EPHA6: variants seen among roughly 807,000 people sequenced by gnomAD.
The protein encoded by EPHA6 is ephrin type-A receptor 6.
EPHA6 carries 50 observed loss-of-function variants against 112.0 expected under a neutral mutation model. The observed-to-expected ratio is 0.45, with a 90% CI of 0.36 to 0.56. The LOEUF (loss-of-function observed/expected upper bound fraction) is 0.56. Ranked by LOEUF, EPHA6 falls within the 20% of genes least tolerant of loss-of-function variation. The probability of loss-of-function intolerance (pLI) is 0.00; values close to 1 mark genes in which losing one functional copy is unlikely to be tolerated. For synonymous variants in EPHA6, 529 were observed against 490.7 expected, an observed-to-expected ratio of 1.08 and a Z score of -1.03; for missense variants, 1,280 against 1,417.4, an observed-to-expected ratio of 0.90 and a Z score of 1.56.
intron 5 of EPHA6, among the ~76,000 whole-genome samples, chr3:97,382,699 CT>C (rs1248317348): frequency 6.6e-6 from 1 of 151,914 alleles, no homozygotes; most frequent in African/African-American, 2.4e-5. Context: ...CAAAAAGAGA[CT>C]TTATGAAAAT....
intron 3 of EPHA6, among the ~76,000 whole-genome samples, chr3:97,039,463 G>A (rs1488082320): frequency 1.3e-5 from 2 of 151,924 alleles, no homozygotes; most frequent in African/African-American, 4.8e-5. Context: ...GAATGAATGG[G>A]AAATGAAGAA....
chr3:97,196,090 T>A (rs1018819012), intron 3 of EPHA6, among the ~76,000 whole-genome samples: 1 of 151,498 alleles, frequency 6.6e-6, no homozygotes, highest in African/African-American at 2.4e-5. Context: ...TCTCTCTCTA[T>A]CCCCTCTTAA....
intron 2 of EPHA6, among the ~76,000 whole-genome samples, chr3:96,913,161 T>TACAC (rs768422240): frequency 0.03 from 3,745 of 123,130 alleles, 47 homozygotes; most frequent in Non-Finnish European, 0.036. Context: ...AGACCCCGTC[T>TACAC]ACACACACAC....
At chr3:96,840,423 T>C (rs78545423) in intron 1 of EPHA6, among the ~76,000 whole-genome samples, 6,925 of 152,228 alleles carry the variant, frequency 0.045, 191 homozygotes, top group Non-Finnish European at 0.073. Flanking sequence ...GTTGTTTTCA[T>C]CTTTATTGGC....
chr3:97,447,300 T>A (rs2090379020), intron 6 of EPHA6, among the ~76,000 whole-genome samples: 1 of 152,142 alleles, frequency 6.6e-6, no homozygotes, highest in African/African-American at 2.4e-5. Context: ...TCTTGCTAGT[T>A]GGGAAGGTCT....
chr3:97,135,573 C>T (rs575685386), intron 3 of EPHA6, among the ~76,000 whole-genome samples: 3 of 152,090 alleles, frequency 2.0e-5, no homozygotes, highest in African/African-American at 7.2e-5. Flanking sequence ...AGCTATGACT[C>T]TCAAACTTTA....
chr3:97,018,716 G>A (rs984123380), intron 3 of EPHA6, among the ~76,000 whole-genome samples: 1 of 152,196 alleles, frequency 6.6e-6, no homozygotes, highest in Non-Finnish European at 1.5e-5. Context: ...ACAGGGAGAC[G>A]GTTAGGCCTC....
intron 6 of EPHA6, among the ~76,000 whole-genome samples, chr3:97,419,540 G>A (rs192501292): frequency 1.3e-5 from 2 of 151,934 alleles, no homozygotes; most frequent in African/African-American, 4.8e-5. Flanking sequence ...CAGGAGAATC[G>A]CTTGAACCTG....
intron 3 of EPHA6, among the ~76,000 whole-genome samples, chr3:97,129,048 A>AT (rs201666956): frequency 0.016 from 2,393 of 151,430 alleles, 73 homozygotes; most frequent in African/African-American, 0.055. Flanking sequence ...TTATTTATAT[A>AT]TTTTTTTGTA....
chr3:96,946,659 G>A (rs1254560608), intron 2 of EPHA6, among the ~76,000 whole-genome samples: 1 of 152,160 alleles, frequency 6.6e-6, no homozygotes, highest in African/African-American at 2.4e-5. Context: ...CTTTATAGCA[G>A]AATGATTTAT....
intron 3 of EPHA6, among the ~76,000 whole-genome samples, chr3:97,040,695 T>G (rs1576373589): frequency 6.6e-6 from 1 of 152,248 alleles, no homozygotes; most frequent in East Asian, 1.9e-4. Flanking sequence ...AATAGTTTTA[T>G]TCTTTGGCTA....
At chr3:97,278,609 C>G (rs1456731318) in intron 5 of EPHA6, among the ~76,000 whole-genome samples, 1 of 152,144 alleles carries the variant, frequency 6.6e-6, no homozygotes, top group African/African-American at 2.4e-5. Context: ...ACTATTTCAA[C>G]CACTCAGTAT....
chr3:97,638,350 G>A lies in EPHA6; in HGVS notation c.2784+268G>A, dbSNP rs147128687. 4.6e-3 allele frequency among the ~76,000 whole-genome samples: 696 copies of A among 152,160 alleles called. 4 individuals carry two copies. The highest frequency in any genetic ancestry group is 0.015 in the African/African-American group (640 of 41,522). ...ACATCATGCTTAACGTCCATGTCAT[G>A]ACTGGATGTTATAACATGGGCTGAA... On this transcript the variant is annotated intron_variant, in intron 14 of 17. Transcript: ENST00000389672.
In EPHA6 at chr3:97,215,526, G is replaced by A. The variant is rs146951396; in HGVS notation, c.1115-10738G>A. 4.8e-3 allele frequency among the ~76,000 whole-genome samples: 736 copies of A among 151,862 alleles called. 6 individuals carry two copies. Among genetic ancestry groups the A allele is most frequent in the African/African-American group, 0.016 (648 of 41,422 alleles). On this transcript the variant is annotated intron_variant, in intron 3 of 17. Coordinates refer to ENST00000389672, the MANE Select transcript of EPHA6 (RefSeq NM_001080448.3). ...CTCAGGAGGCTGAGGCAGGAGAATT[G>A]CTTGAACCCGGGAGGCGGAGGTTGC...
At chr3:97,208,247 A>AT (rs1559798966) in intron 3 of EPHA6, among the ~76,000 whole-genome samples, 1 of 152,176 alleles carries the variant, frequency 6.6e-6, no homozygotes, top group Non-Finnish European at 1.5e-5. Context: ...GTTTTCTTCA[A>AT]TTCAATATTT....
intron 2 of EPHA6, among the ~76,000 whole-genome samples, chr3:96,950,845 C>A (rs116604675): frequency 0.014 from 2,190 of 152,082 alleles, 58 homozygotes; most frequent in African/African-American, 0.05. Flanking sequence ...CTACCTAGAT[C>A]TTCATTATTG....
At chr3:97,301,984 T>C (rs2081112010) in intron 5 of EPHA6, among the ~76,000 whole-genome samples, 1 of 152,100 alleles carries the variant, frequency 6.6e-6, no homozygotes, top group Admixed American at 6.6e-5. Flanking sequence ...GAATATCTAG[T>C]AACTTGTGTA....
At chr3:97,697,224 G>C (rs1020555586) in intron 14 of EPHA6, among the ~76,000 whole-genome samples, 3 of 152,274 alleles carry the variant, frequency 2.0e-5, no homozygotes, top group Non-Finnish European at 1.5e-5. Flanking sequence ...TCTGGGTATG[G>C]AGCAATGGGT....
chr3:97,354,537 A>G (rs2083968958), intron 5 of EPHA6, among the ~76,000 whole-genome samples: 1 of 152,126 alleles, frequency 6.6e-6, no homozygotes, highest in Non-Finnish European at 1.5e-5. Context: ...GCTTGAAGAC[A>G]GGCTATTTGA....
Sources: allele counts gnomAD v4.1 joint callset (sites outside exome capture counted in the v4.1 genomes callset), GRCh38; gene constraint gnomAD v4.1.1; transcripts MANE v1.5; gene names NCBI Gene and HGNC (gene_info 2026-07-23, HGNC 2026-07-21).